The following GRIK2 variants were observed in gnomAD, a reference collection of about 807,000 sequenced individuals.
GRIK2 encodes the protein glutamate receptor ionotropic, kainate 2.
A neutral mutation model predicts 100.3 loss-of-function variants in GRIK2; 32 were observed. That is an observed-to-expected ratio of 0.32 (90% CI 0.24 to 0.43). The LOEUF (loss-of-function observed/expected upper bound fraction) is 0.43. GRIK2 is among the 20% of genes least tolerant of loss of function. GRIK2 has a pLI of 1.00. For missense variants in GRIK2, 843 were observed against 1,114.9 expected, an observed-to-expected ratio of 0.76 and a Z score of 3.47; for synonymous variants, 417 against 389.4, an observed-to-expected ratio of 1.07 and a Z score of -0.83.
intron 7 of GRIK2, among the ~76,000 whole-genome samples, chr6:101,759,090 A>G (rs773251196): frequency 2.6e-5 from 4 of 152,150 alleles, no homozygotes; most frequent in Non-Finnish European, 1.5e-5. Flanking sequence ...AGAGAGTTTC[A>G]TTTTTGCATA....
intron 10 of GRIK2, among the ~76,000 whole-genome samples, chr6:101,824,150 G>A (rs143256375): frequency 1.3e-5 from 2 of 152,176 alleles, no homozygotes; most frequent in East Asian, 1.9e-4. Context: ...CTCCCGAAGT[G>A]CTGGGATTAC....
intron 6 of GRIK2, among the ~76,000 whole-genome samples, chr6:101,683,614 T>A (rs1412887633): frequency 6.6e-6 from 1 of 152,164 alleles, no homozygotes; most frequent in Non-Finnish European, 1.5e-5. Flanking sequence ...CTTCATCCAA[T>A]CTTATTTTCT....
At chr6:101,613,995 G>A (rs987513313) in intron 2 of GRIK2, among the ~76,000 whole-genome samples, 1 of 151,578 alleles carries the variant, frequency 6.6e-6, no homozygotes, top group African/African-American at 2.4e-5. Context: ...ACTTTGTGCT[G>A]GAGCTCTCCA....
chr6:101,512,972 C>T (rs1774393993), intron 2 of GRIK2, among the ~76,000 whole-genome samples: 1 of 141,082 alleles, frequency 7.1e-6, no homozygotes, highest in Non-Finnish European at 1.5e-5. Flanking sequence ...GTCTGACACC[C>T]TCTCACTTGT....
intron 15 of GRIK2, among the ~76,000 whole-genome samples, chr6:102,051,097 TGCCC>T (rs1188546481): frequency 1.3e-5 from 2 of 152,212 alleles, no homozygotes; most frequent in Non-Finnish European, 1.5e-5. Context: ...AGTTTTTATG[TGCCC>T]ATCCATACGC....
At chr6:101,550,141 T>A (rs1010206776) in intron 2 of GRIK2, among the ~76,000 whole-genome samples, 2 of 152,226 alleles carry the variant, frequency 1.3e-5, no homozygotes, top group African/African-American at 4.8e-5. Flanking sequence ...CTCCATTTTT[T>A]ACTAGCAGGA....
At chr6:101,688,502 G>A (rs1365816525) in intron 7 of GRIK2, among the ~76,000 whole-genome samples, 1 of 151,894 alleles carries the variant, frequency 6.6e-6, no homozygotes, top group Non-Finnish European at 1.5e-5. Context: ...GAAGCTCTTG[G>A]AGAGAATTAA....
chr6:102,035,193 G>GTATATATA (rs139440547), intron 14 of GRIK2, 148 bp from the exon 15 acceptor site: 3,930 of 217,000 alleles, frequency 0.018, 125 homozygotes, highest in African/African-American at 0.071. Flanking sequence ...GACTTTTTTG[G>GTATATATA]TATATATATA....
At chr6:101,853,578 C>G (rs1165928251) in intron 10 of GRIK2, among the ~76,000 whole-genome samples, 2 of 152,144 alleles carry the variant, frequency 1.3e-5, no homozygotes, top group African/African-American at 4.8e-5. Flanking sequence ...TTGCAGTCAT[C>G]CACCTTGATA....
chr6:102,066,261 GAAA>G (rs1772012060), intron 16 of GRIK2, among the ~76,000 whole-genome samples: 3 of 151,486 alleles, frequency 2.0e-5, no homozygotes, highest in Admixed American at 6.6e-5. Flanking sequence ...AATTGAATTA[GAAA>G]CATTGTTAAA....
intron 2 of GRIK2, among the ~76,000 whole-genome samples, chr6:101,493,210 A>G (rs1221730115): frequency 6.6e-6 from 1 of 152,080 alleles, no homozygotes; most frequent in Admixed American, 6.6e-5. Flanking sequence ...GAGAAGCAAT[A>G]GGCAAAGGAG....
chr6:102,057,597 A>C (rs1478265638), intron 16 of GRIK2, among the ~76,000 whole-genome samples: 1 of 151,990 alleles, frequency 6.6e-6, no homozygotes, highest in African/African-American at 2.4e-5. Context: ...AACTGAGTGG[A>C]TATTACATGA....
chr6:101,859,512 G>T lies in GRIK2; in HGVS notation c.1524+19G>T, dbSNP rs756364686. The T allele has an allele frequency of 1.2e-5, 17 of 1,399,750 alleles. No homozygotes were observed. The highest frequency in any genetic ancestry group is 1.4e-5 in the Non-Finnish European group (14 of 990,578). The allele number at this position is 1,399,750 out of a possible 1,614,324, so 86.7% of individuals were successfully genotyped here. A position where few individuals can be genotyped will look rare whatever the true frequency, so the allele number is the denominator to read the frequency against. ...TGATCATGTAAGTCCCTTCCCTCAT[G>T]ATTTATTAGTTTGTTATGTTGCTAC... On this transcript the variant is annotated intron_variant, in intron 11 of 16. Coordinates refer to ENST00000369134, the MANE Select transcript of GRIK2 (RefSeq NM_021956.5).
intron 10 of GRIK2, among the ~76,000 whole-genome samples, chr6:101,826,406 C>T (rs1451984680): frequency 6.6e-6 from 1 of 151,960 alleles, no homozygotes; most frequent in Non-Finnish European, 1.5e-5. Context: ...AGCCTAGAAG[C>T]AGGGATGATA....
chr6:101,855,999 A>G (rs1454117681), intron 10 of GRIK2, among the ~76,000 whole-genome samples: 1 of 152,314 alleles, frequency 6.6e-6, no homozygotes, highest in East Asian at 1.9e-4. Flanking sequence ...GAATTTGAGA[A>G]TGATTGCCTG....
chr6:101,445,218 C>G (rs192029412), intron 2 of GRIK2, among the ~76,000 whole-genome samples: 1 of 152,108 alleles, frequency 6.6e-6, no homozygotes, highest in Non-Finnish European at 1.5e-5. Flanking sequence ...ACTTAGTACT[C>G]ATATTGATGA....
chr6:101,588,946 A>G (rs1778516392), intron 2 of GRIK2, among the ~76,000 whole-genome samples: 1 of 152,144 alleles, frequency 6.6e-6, no homozygotes, highest in South Asian at 2.1e-4. Context: ...GCACAATGTA[A>G]GGTGGTAGCA....
intron 2 of GRIK2, among the ~76,000 whole-genome samples, chr6:101,620,788 C>A (rs540558019): frequency 4.6e-5 from 7 of 152,120 alleles, no homozygotes; most frequent in Non-Finnish European, 1.0e-4. Context: ...GAATCAGATG[C>A]TCCACCTTTT....
intron 12 of GRIK2, among the ~76,000 whole-genome samples, chr6:101,899,942 G>T (rs1324081479): frequency 6.6e-6 from 1 of 152,004 alleles, no homozygotes; most frequent in Admixed American, 6.6e-5. Flanking sequence ...CTAGACTGAA[G>T]ATATGTTTTG....
Sources: allele counts gnomAD v4.1 joint callset (sites outside exome capture counted in the v4.1 genomes callset), GRCh38; gene constraint gnomAD v4.1.1; transcripts MANE v1.5; gene names NCBI Gene and HGNC (gene_info 2026-07-23, HGNC 2026-07-21).